MDGA2: variants seen among roughly 807,000 people sequenced by gnomAD.
MDGA2 encodes MAM domain-containing glycosylphosphatidylinositol anchor protein 2.
In MDGA2, 40 loss-of-function variants were observed where a neutral mutation model predicts 117.8. That is an observed-to-expected ratio of 0.34 (90% CI 0.26 to 0.44). The LOEUF (loss-of-function observed/expected upper bound fraction) is 0.44, where lower values mean the gene tolerates loss of function less well. Among genes scored for constraint, MDGA2 ranks in the 20% least tolerant of loss-of-function variants. The probability of loss-of-function intolerance (pLI) is 1.00; values close to 1 mark genes in which losing one functional copy is unlikely to be tolerated. For missense variants in MDGA2, 1,123 were observed against 1,250.6 expected, an observed-to-expected ratio of 0.90 and a Z score of 1.54; for synonymous variants, 452 against 439.0, an observed-to-expected ratio of 1.03 and a Z score of -0.37.
intron 8 of MDGA2, among the ~76,000 whole-genome samples, chr14:47,013,651 ATAGT>A (rs1388025407): frequency 6.6e-6 from 1 of 151,372 alleles, no homozygotes; most frequent in African/African-American, 2.4e-5. Flanking sequence ...ACTACCTATG[ATAGT>A]TATAACCTTA....
intron 2 of MDGA2, among the ~76,000 whole-genome samples, chr14:47,280,044 C>T (rs1379908044): frequency 6.6e-6 from 1 of 151,352 alleles, no homozygotes; most frequent in Admixed American, 6.6e-5. Flanking sequence ...GCACATGGCT[C>T]ACGCCTATAA....
At chr14:47,277,449 A>G (rs555003994) in intron 2 of MDGA2, among the ~76,000 whole-genome samples, 1 of 152,332 alleles carries the variant, frequency 6.6e-6, no homozygotes, top group East Asian at 1.9e-4. Flanking sequence ...TTCCCTAAAT[A>G]TGTGTTGAGT....
At chr14:46,947,574 C>T (rs1371635483) in intron 9 of MDGA2, among the ~76,000 whole-genome samples, 1 of 151,914 alleles carries the variant, frequency 6.6e-6, no homozygotes, top group Non-Finnish European at 1.5e-5. Flanking sequence ...TTCCCATGCT[C>T]TTTCCGTGAG....
In MDGA2 at chr14:47,558,880, T is replaced by C. The variant is rs567398809; in HGVS notation, c.280+115637A>G. Among the ~76,000 whole-genome samples, 4 of 152,278 alleles carry C rather than the reference T, an allele frequency of 2.6e-5. No homozygotes were observed. The East Asian group carries it at 7.7e-4, about 29-fold the overall frequency. On this transcript the variant is annotated intron_variant, in intron 1 of 16. Coordinates refer to ENST00000399232, the MANE Select transcript of MDGA2 (RefSeq NM_001113498.3). ...ATAATTTTCTATCATTCCTGTTTGA[T>C]TTTTTTAAAGAAGTAAAATAGGCAG...
intron 5 of MDGA2, among the ~76,000 whole-genome samples, chr14:47,129,168 A>C (rs1260839681): frequency 6.6e-6 from 1 of 151,878 alleles, no homozygotes; most frequent in Non-Finnish European, 1.5e-5. Context: ...ATATGTATAC[A>C]TGTGCCATGC....
At chr14:47,563,064 A>G (rs1895845997) in intron 1 of MDGA2, among the ~76,000 whole-genome samples, 1 of 151,742 alleles carries the variant, frequency 6.6e-6, no homozygotes, top group African/African-American at 2.4e-5. Flanking sequence ...TTTAGTATCA[A>G]TTTCTATTTC....
At chr14:47,144,359 T>G (rs1296638654) in intron 3 of MDGA2, 85 bp from the exon 4 acceptor site, 41 of 911,762 alleles carry the variant, frequency 4.5e-5, no homozygotes, top group Non-Finnish European at 6.6e-5. Context: ...CAACCAAAAA[T>G]GCATATTCCT....
chr14:46,962,542 G>A (rs2138283815), intron 8 of MDGA2, among the ~76,000 whole-genome samples: 3 of 152,254 alleles, frequency 2.0e-5, no homozygotes, highest in Admixed American at 2.0e-4. Flanking sequence ...CAAGGCAAAT[G>A]TAACTTCATT....
intron 1 of MDGA2, among the ~76,000 whole-genome samples, chr14:47,628,764 T>TC (rs1897199153): frequency 6.6e-6 from 1 of 152,158 alleles, no homozygotes; most frequent in African/African-American, 2.4e-5. Flanking sequence ...AAGATTTTTT[T>TC]CCCCCCAGCT....
chr14:47,658,444 A>G (rs1281386034), intron 1 of MDGA2, among the ~76,000 whole-genome samples: 2 of 152,148 alleles, frequency 1.3e-5, no homozygotes, highest in Non-Finnish European at 2.9e-5. Flanking sequence ...GGGTTCTAGA[A>G]GAAGTAGTAG....
intron 2 of MDGA2, among the ~76,000 whole-genome samples, chr14:47,276,296 G>A (rs1291848986): frequency 6.6e-6 from 1 of 152,112 alleles, no homozygotes; most frequent in Non-Finnish European, 1.5e-5. Flanking sequence ...TCTTGGAAAT[G>A]ATAAATTGAT....
In MDGA2 at chr14:47,301,291, CCACCCACACACA is replaced by C. The variant is rs1361798365; in HGVS notation, c.420+108_420+119del. On this transcript the variant is annotated intron_variant, in intron 2 of 16. Transcript: ENST00000399232. The stretch of plus-strand genomic sequence containing the variant: ...GAGTTACACACACACACACCCACAC[CCACCCACACACA>C]CACACACACACACACACAGTTTTAG... 2.3e-4 allele frequency: 196 copies of C among 869,800 alleles called. 1 individual carries two copies. The African/African-American group carries it at 4.6e-3, about 20-fold the overall frequency. 53.9% of individuals were successfully genotyped at this position (869,800 alleles called of 1,614,324 possible).
chr14:47,119,815 C>T (rs1221852172), intron 5 of MDGA2, among the ~76,000 whole-genome samples: 1 of 152,094 alleles, frequency 6.6e-6, no homozygotes, highest in East Asian at 1.9e-4. Flanking sequence ...ACCCATATTA[C>T]CTGCTTTCTT....
intron 5 of MDGA2, among the ~76,000 whole-genome samples, chr14:47,117,651 G>A (rs1038542556): frequency 1.3e-5 from 2 of 152,114 alleles, no homozygotes; most frequent in Non-Finnish European, 2.9e-5. Flanking sequence ...GAGCCCGAAA[G>A]AGAAATATTG....
At chr14:47,073,165 T>C (rs377231219) in intron 6 of MDGA2, among the ~76,000 whole-genome samples, 97 of 152,312 alleles carry the variant, frequency 6.4e-4, no homozygotes, top group African/African-American at 2.1e-3. Flanking sequence ...GTATTAAGAA[T>C]GTAACCAACT....
intron 1 of MDGA2, among the ~76,000 whole-genome samples, chr14:47,412,595 G>A (rs1370621695): frequency 6.6e-6 from 1 of 152,170 alleles, no homozygotes. Flanking sequence ...AATATTTCAA[G>A]TTGCAAAAAT....
chr14:47,228,430 A>G (rs1886580941), intron 2 of MDGA2, among the ~76,000 whole-genome samples: 1 of 152,158 alleles, frequency 6.6e-6, no homozygotes, highest in East Asian at 1.9e-4. Context: ...AGTAGAAACT[A>G]TACTTCAAAT....
chr14:47,553,473 CTTT>C (rs1280628599), intron 1 of MDGA2, among the ~76,000 whole-genome samples: 15 of 152,096 alleles, frequency 9.9e-5, no homozygotes, highest in South Asian at 2.1e-4. Flanking sequence ...TGAATTATAT[CTTT>C]ATTATTTATT....
At chr14:47,182,143 T>C (rs537365687) in intron 3 of MDGA2, among the ~76,000 whole-genome samples, 104 of 152,264 alleles carry the variant, frequency 6.8e-4, no homozygotes, top group African/African-American at 2.3e-3. Flanking sequence ...TATATATCTA[T>C]GATATCAGGA....
Sources: gnomAD v4.1 joint callset for allele counts (sites outside exome capture counted in the v4.1 genomes callset) on GRCh38, gnomAD v4.1.1 for gene constraint, MANE v1.5 for transcripts, NCBI Gene and HGNC (gene_info 2026-07-23, HGNC 2026-07-21) for gene names.